Variants in WRNIP1 observed in about 807,000 individuals in gnomAD.
WRNIP1 encodes ATPase WRNIP1.
In WRNIP1, 41 loss-of-function variants were observed where a neutral mutation model predicts 56.1. The observed-to-expected ratio is 0.73, with a 90% confidence interval of 0.57 to 0.95. The LOEUF (loss-of-function observed/expected upper bound fraction) is 0.95, where lower values mean the gene tolerates loss of function less well. WRNIP1 is among the 40% of genes least tolerant of loss of function. The probability of loss-of-function intolerance (pLI) is 0.00; values close to 1 mark genes in which losing one functional copy is unlikely to be tolerated. For missense variants in WRNIP1, 1,170 were observed against 939.4 expected, an observed-to-expected ratio of 1.25 and a Z score of -3.21; for synonymous variants, 547 against 398.1, an observed-to-expected ratio of 1.37 and a Z score of -4.45.
chr6:2,779,335 G>T lies in WRNIP1; in HGVS notation c.1329G>T (p.Gly443=). The T allele has an allele frequency of 1.9e-6, 3 of 1,614,226 alleles. No individual in the cohort carries two copies. Among genetic ancestry groups the T allele is most frequent in the East Asian group, 2.2e-5 (1 of 44,882 alleles). The stretch of plus-strand genomic sequence containing the variant: ...TCAGTGACGGTGACGCCCGAGCTGG[G>T]TTGAACGGACTGCAGCTGGCGGTGC... ...AYLSDGDARA[G]LNGLQLAVLA... The change falls in exon 4 of 7, where the codon GGG becomes GGT. Residue 443 remains glycine, a synonymous_variant. Coordinates refer to ENST00000380773, the MANE Select transcript of WRNIP1 (RefSeq NM_020135.3).
At chr6:2,780,860 A>G (rs1470105014) in intron 4 of WRNIP1, among the ~76,000 whole-genome samples, 1 of 152,218 alleles carries the variant, frequency 6.6e-6, no homozygotes, top group Non-Finnish European at 1.5e-5. Context: ...ACATTTTATC[A>G]GACTGTCACT....
At chr6:2,773,782 A>T in intron 3 of WRNIP1, 4 of 981,698 alleles carry the variant, frequency 4.1e-6, no homozygotes, top group Non-Finnish European at 4.8e-6. Context: ...AGAATCAATT[A>T]TTTGTGAACC....
In WRNIP1 at chr6:2,781,121, A is replaced by G. The variant is rs541234820; in HGVS notation, c.1486+1629A>G. Among the ~76,000 whole-genome samples, 291 of 152,254 alleles carry G rather than the reference A, an allele frequency of 1.9e-3. 1 individual carries two copies. The highest frequency in any genetic ancestry group is 6.7e-3 in the African/African-American group (278 of 41,542). ...TGCTGTTACTGATCTCACCCATTAC[A>G]TCATGCTCCTGAGAGGGGTCACCCG... On this transcript the variant is annotated intron_variant, in intron 4 of 6. Transcript: ENST00000380773.
chr6:2,782,468 C>T (rs1001355011), intron 4 of WRNIP1, among the ~76,000 whole-genome samples: 1 of 152,252 alleles, frequency 6.6e-6, no homozygotes, highest in African/African-American at 2.4e-5. Context: ...TACCAGCGAG[C>T]TCAGCTGCCA....
intron 5 of WRNIP1, 80 bp from the exon 6 acceptor site, chr6:2,784,244 G>A: frequency 7.5e-7 from 1 of 1,341,662 alleles, no homozygotes; most frequent in East Asian, 2.4e-5. Flanking sequence ...AAGCAGTGGT[G>A]GTCTGTGGTC....
chr6:2,782,968 A>T (rs1186401832), intron 4 of WRNIP1, among the ~76,000 whole-genome samples: 1 of 152,212 alleles, frequency 6.6e-6, no homozygotes, highest in Non-Finnish European at 1.5e-5. Flanking sequence ...GATGGGCTAT[A>T]ACAGCTGCCC....
chr6:2,784,456 T>C, intron 6 of WRNIP1, 53 bp downstream of exon 6: 1 of 1,559,100 alleles, frequency 6.4e-7, no homozygotes, highest in Non-Finnish European at 8.8e-7. Flanking sequence ...TCTCGTGCTC[T>C]GTCCCTTTGT....
chr6:2,781,058 T>TC (rs989189865), intron 4 of WRNIP1, among the ~76,000 whole-genome samples: 23 of 152,122 alleles, frequency 1.5e-4, no homozygotes, highest in African/African-American at 5.3e-4. Flanking sequence ...AGACTGTCCT[T>TC]CCCCCCGTCC....
chr6:2,769,997 T>C, intron 2 of WRNIP1, 123 bp from the exon 3 acceptor site: 1 of 1,388,542 alleles, frequency 7.2e-7, no homozygotes, highest in South Asian at 1.3e-5. Context: ...ATAAGGCTGC[T>C]GCTATTCCTG....
chr6:2,784,438 C>G, intron 6 of WRNIP1, 35 bp downstream of exon 6: 1 of 1,599,126 alleles, frequency 6.3e-7, no homozygotes, highest in Non-Finnish European at 8.6e-7. Context: ...CAAATCACTT[C>G]TTTTCTCTCT....
chr6:2,766,303 G>T lies in WRNIP1; in HGVS notation c.681G>T (p.Leu227=). ...EIRQMLQGKP[L]ADTMRPDTLQ... ...GACAGATGCTACAGGGCAAGCCGCTGGCCGACACGATGCGTCCTGACACGC... is the reference window on the plus strand; with the variant it reads ...GACAGATGCTACAGGGCAAGCCGCTTGCCGACACGATGCGTCCTGACACGC... Residue 227 remains leucine (L), a synonymous_variant, in exon 1 of 7, where the codon CTG becomes CTT. Transcript: ENST00000380773. 1 of 1,608,910 alleles carries T rather than the reference G, an allele frequency of 6.2e-7. No individual in the cohort carries two copies. The highest frequency in any genetic ancestry group is 8.5e-7 in the Non-Finnish European group (1 of 1,178,374).
At chr6:2,772,265 T>A (rs556621247) in intron 3 of WRNIP1, among the ~76,000 whole-genome samples, 9 of 152,356 alleles carry the variant, frequency 5.9e-5, no homozygotes, top group African/African-American at 2.2e-4. Context: ...AGCTAGAGAT[T>A]GTTTATCTGC....
At chr6:2,781,847 T>C (rs990808569) in intron 4 of WRNIP1, among the ~76,000 whole-genome samples, 7 of 152,222 alleles carry the variant, frequency 4.6e-5, no homozygotes, top group African/African-American at 1.7e-4. Flanking sequence ...GTGAGGTAAG[T>C]GGTCTCGTTT....
In WRNIP1 at chr6:2,765,651, C is replaced by T. The variant is rs780117172; in HGVS notation, c.29C>T (p.Pro10Leu). The T allele has an allele frequency of 6.5e-6, 10 of 1,546,194 alleles. No individual in the cohort carries two copies. The highest frequency in any genetic ancestry group is 1.1e-5 in the South Asian group (1 of 87,382). Residue 10 changes from proline to leucine, a missense_variant, in exon 1 of 7, where the codon CCC becomes CTC. Pro to Leu is a moderately conservative substitution (Grantham distance 98, BLOSUM62 -3). Coordinates refer to ENST00000380773, the MANE Select transcript of WRNIP1 (RefSeq NM_020135.3). Reference protein sequence around the residue: MEVSGPEDDPFLSQLHQVQC... With the variant: MEVSGPEDDLFLSQLHQVQC... ...GAGGTGAGCGGGCCGGAAGACGACCCCTTCCTTTCGCAGCTGCACCAGGTG... is the reference window on the plus strand; with the variant it reads ...GAGGTGAGCGGGCCGGAAGACGACCTCTTCCTTTCGCAGCTGCACCAGGTG...
Position 2,767,062 on chromosome 6 carries a change from C to T in WRNIP1, c.822+618C>T, listed in dbSNP as rs116900252. On this transcript the variant is annotated intron_variant, in intron 1 of 6. Transcript: ENST00000380773. The stretch of plus-strand genomic sequence containing the variant: ...TTTTTCATCTGCAAGTCATTTTCAT[C>T]CGGTATTTCCGTAACTTTTCTCATA... 1.8e-3 allele frequency among the ~76,000 whole-genome samples: 272 copies of T among 152,322 alleles called. 5 individuals carry two copies. The East Asian group carries it at 0.039, about 22-fold the overall frequency.
intron 3 of WRNIP1, among the ~76,000 whole-genome samples, chr6:2,775,841 A>G (rs316367): frequency 0.98 from 148,900 of 152,316 alleles, 72,886 homozygotes; most frequent in East Asian, 1. Context: ...CCCTTATTAT[A>G]AATAGTGTTT....
Position 2,766,037 on chromosome 6 carries a change from T to C in WRNIP1, c.415T>C (p.Ser139Pro), listed in dbSNP as rs2113439259. The change falls in exon 1 of 7, where the codon TCG (serine) becomes CCG (proline). Residue 139 changes from serine to proline, a missense_variant. Transcript: ENST00000380773. ...CTCCAGCAGCCCCGGGAGGAAGGGG[T>C]CGGGGAAGAGGCCGGCGGCCGCCGC... ...ARSSSPGRKG[S>P]GKRPAAAAAA... 7.7e-7 allele frequency: 1 copy of C among 1,301,510 alleles called. No homozygotes were observed. The allele number at this position is 1,301,510 out of a possible 1,614,324, so 80.6% of individuals were successfully genotyped here. A position where few individuals can be genotyped will look rare whatever the true frequency, so the allele number is the denominator to read the frequency against.
At chr6:2,772,309 C>T (rs1192018617) in intron 3 of WRNIP1, among the ~76,000 whole-genome samples, 1 of 152,194 alleles carries the variant, frequency 6.6e-6, no homozygotes, top group East Asian at 1.9e-4. Context: ...TTCCCATATC[C>T]AGTAAATGAT....
At chr6:2,773,612 C>T (rs1765361653) in intron 3 of WRNIP1, 10 of 985,086 alleles carry the variant, frequency 1.0e-5, no homozygotes, top group Non-Finnish European at 1.2e-5. Flanking sequence ...ATTTTGGAGG[C>T]CAGGAAAAAA....
Sources: allele counts gnomAD v4.1 joint callset (sites outside exome capture counted in the v4.1 genomes callset), GRCh38; gene constraint gnomAD v4.1.1; transcripts MANE v1.5; gene names NCBI Gene and HGNC (gene_info 2026-07-23, HGNC 2026-07-21).